The following CPXM2 variants were observed in gnomAD, a reference collection of about 807,000 sequenced individuals.
CPXM2 encodes the protein inactive carboxypeptidase-like protein X2.
Under a neutral mutation model 86.1 loss-of-function variants are expected in CPXM2, and 66 were observed. The observed-to-expected ratio is 0.77, with a 90% CI of 0.63 to 0.94. CPXM2 has a LOEUF of 0.94. Among genes scored for constraint, CPXM2 ranks in the 40% least tolerant of loss-of-function variants. The pLI is 0.00. For missense variants in CPXM2, 948 were observed against 1,026.3 expected, an observed-to-expected ratio of 0.92 and a Z score of 1.04; for synonymous variants, 388 against 400.2, an observed-to-expected ratio of 0.97 and a Z score of 0.36.
upstream of CPXM2, among the ~76,000 whole-genome samples, chr10:123,892,568 G>A (rs1477929729): frequency 6.6e-6 from 1 of 152,154 alleles, no homozygotes; most frequent in African/African-American, 2.4e-5. Flanking sequence ...GGGGAACCAG[G>A]GACTGCATCG....
intron 11 of CPXM2, among the ~76,000 whole-genome samples, chr10:123,760,374 AT>A (rs988802688): frequency 4.0e-5 from 6 of 151,746 alleles, no homozygotes; most frequent in East Asian, 3.9e-4. Context: ...AGAGATTTGC[AT>A]TTTTTTTTAT....
Position 123,862,664 on chromosome 10 carries a change from T to G in CPXM2, c.463A>C (p.Thr155Pro). The G allele has an allele frequency of 6.2e-7, 1 of 1,614,170 alleles. No homozygotes were observed. The highest frequency in any genetic ancestry group is 8.5e-7 in the Non-Finnish European group (1 of 1,180,030). ...GCCCCCAGGCCATAGCGCTTCACCG[T>G]GGAGGCATGGAGCTGGAAGTCTGTG... ...KITDFQLHAS[T>P]VKRYGLGAHR... The change falls in exon 3 of 14, where the codon ACG (threonine) becomes CCG (proline). Residue 155 changes from threonine (T) to proline (P), a missense_variant. By Grantham distance (38) the Thr-to-Pro change is conservative. Transcript: ENST00000241305.
intron 10 of CPXM2, among the ~76,000 whole-genome samples, chr10:123,765,712 T>C (rs936535345): frequency 6.6e-6 from 1 of 152,220 alleles, no homozygotes; most frequent in Non-Finnish European, 1.5e-5. Context: ...CCAAGTGGCA[T>C]TGCCGCCGTC....
intron 2 of CPXM2, among the ~76,000 whole-genome samples, chr10:123,934,455 T>C (rs1003851786): frequency 3.4e-4 from 51 of 152,006 alleles, no homozygotes; most frequent in African/African-American, 1.0e-3. Flanking sequence ...TCCCTGTGTG[T>C]CTGTGTCTCG....
chr10:123,797,596 T>G (rs1477875742), intron 6 of CPXM2, among the ~76,000 whole-genome samples: 1 of 49,412 alleles, frequency 2.0e-5, no homozygotes. Flanking sequence ...TTTTATTTTT[T>G]TGAGACAGGG....
intron 10 of CPXM2, among the ~76,000 whole-genome samples, chr10:123,764,679 G>T (rs1846427520): frequency 6.6e-6 from 1 of 151,960 alleles, no homozygotes; most frequent in African/African-American, 2.4e-5. Context: ...TAGAGACAGG[G>T]TTTCACCATG....
At chr10:123,751,588 G>A (rs1008412110) in intron 13 of CPXM2, 20 of 985,304 alleles carry the variant, frequency 2.0e-5, no homozygotes, top group East Asian at 1.1e-4. Context: ...CATGTGGAAC[G>A]GTGAGCCGGG....
At chr10:123,904,639 G>A (rs561794188) in intron 2 of CPXM2, among the ~76,000 whole-genome samples, 16 of 152,168 alleles carry the variant, frequency 1.1e-4, no homozygotes, top group Non-Finnish European at 1.9e-4. Flanking sequence ...GTTCAGTAAA[G>A]GTTGCCATAG....
intron 13 of CPXM2, among the ~76,000 whole-genome samples, chr10:123,752,961 G>A (rs1430098374): frequency 6.6e-6 from 1 of 152,144 alleles, no homozygotes; most frequent in Non-Finnish European, 1.5e-5. Context: ...CCTCTTACGT[G>A]GTGTGTTAGA....
chr10:123,809,537 C>T (rs761030373), intron 4 of CPXM2, among the ~76,000 whole-genome samples: 3 of 152,004 alleles, frequency 2.0e-5, no homozygotes, highest in Non-Finnish European at 2.9e-5. Flanking sequence ...GATATAAATA[C>T]ACTCATGTAA....
At chr10:123,873,856 CTTT>C (rs56223052) in intron 2 of CPXM2, among the ~76,000 whole-genome samples, 41 of 105,276 alleles carry the variant, frequency 3.9e-4, no homozygotes, top group Non-Finnish European at 5.4e-4. Flanking sequence ...TCTCACATTT[CTTT>C]TTTTTTTTTT....
chr10:123,917,019 G>A (rs1316173609), intron 2 of CPXM2, among the ~76,000 whole-genome samples: 1 of 152,154 alleles, frequency 6.6e-6, no homozygotes. Flanking sequence ...GGAGATGGGG[G>A]GCAGAGGGGA....
intron 2 of CPXM2, among the ~76,000 whole-genome samples, chr10:123,926,074 A>G (rs887822774): frequency 3.0e-4 from 46 of 152,216 alleles, no homozygotes; most frequent in African/African-American, 9.4e-4. Flanking sequence ...GGAGTTACCC[A>G]TGACATGCTC....
chr10:123,746,929 G>T lies in CPXM2; in HGVS notation c.2106C>A (p.Asn702Lys). 1 of 1,614,230 alleles carries T rather than the reference G, an allele frequency of 6.2e-7. No individual in the cohort carries two copies. The highest frequency in any genetic ancestry group is 8.5e-7 in the Non-Finnish European group (1 of 1,180,034). ...KAEGFTASTK[N>K]CMVGYDMGAT... ...CCCCCATGTCATAGCCAACCATACA[G>T]TTCTTGGTGGATGCAGTGAAACCTT... The change falls in exon 14 of 14, where the codon AAC becomes AAA. Residue 702 changes from asparagine (N) to lysine (K), a missense_variant. By Grantham distance (94) the Asn-to-Lys change is moderately conservative. Coordinates refer to ENST00000241305, the MANE Select transcript of CPXM2 (RefSeq NM_198148.3).
At chr10:123,862,475 G>C in intron 3 of CPXM2, 139 bp downstream of exon 3, 1 of 751,358 alleles carries the variant, frequency 1.3e-6, no homozygotes, top group Non-Finnish European at 2.3e-6. Flanking sequence ...GTAAAATTAG[G>C]ATCATTCAGC....
intron 3 of CPXM2, among the ~76,000 whole-genome samples, chr10:123,854,424 A>C (rs1453006651): frequency 8.2e-6 from 1 of 122,512 alleles, no homozygotes; most frequent in African/African-American, 3.5e-5. Flanking sequence ...AAAATATATA[A>C]TATATATATA....
chr10:123,768,852 T>C, intron 8 of CPXM2, 130 bp from the exon 9 acceptor site: 1 of 742,452 alleles, frequency 1.3e-6, no homozygotes, highest in Non-Finnish European at 2.1e-6. Flanking sequence ...ATTTGTTCTT[T>C]CAAACAAACC....
intron 2 of CPXM2, among the ~76,000 whole-genome samples, chr10:123,935,807 C>T (rs1227399110): frequency 6.6e-6 from 1 of 151,956 alleles, no homozygotes; most frequent in African/African-American, 2.4e-5. Context: ...CCACCACCAC[C>T]AGCAGCATCT....
chr10:123,764,774 C>T (rs1345864811), intron 10 of CPXM2, among the ~76,000 whole-genome samples: 2 of 152,004 alleles, frequency 1.3e-5, no homozygotes, highest in Non-Finnish European at 2.9e-5. Flanking sequence ...ATTAATCTCC[C>T]TTTCTTTGGG....
Sources: allele counts gnomAD v4.1 joint callset (sites outside exome capture counted in the v4.1 genomes callset), GRCh38; gene constraint gnomAD v4.1.1; transcripts MANE v1.5; gene names NCBI Gene and HGNC (gene_info 2026-07-23, HGNC 2026-07-21).